RIMS1: variants seen among roughly 807,000 people sequenced by gnomAD.
RIMS1 encodes regulating synaptic membrane exocytosis 1, also known as regulating synaptic membrane exocytosis protein 1.
A neutral mutation model predicts 214.1 loss-of-function variants in RIMS1; 83 were observed. The ratio of observed to expected loss-of-function variants is 0.39; its 90% CI spans 0.32 to 0.47. The LOEUF is 0.47. RIMS1 is among the 20% of genes least tolerant of loss of function. RIMS1 has a pLI of 0.99. For missense variants in RIMS1, 2,050 were observed against 2,161.8 expected, an observed-to-expected ratio of 0.95 and a Z score of 1.03; for synonymous variants, 793 against 786.8, an observed-to-expected ratio of 1.01 and a Z score of -0.13.
rs143947892 is a variant in RIMS1, at chr6:72,089,475, T to A, written c.246-7474T>A. ...GTTTTGTTTTTTGTATTAGACAGGG[T>A]CTCACCCTGTCAACCAGGCTGGAGT... On this transcript the variant is annotated intron_variant, in intron 2 of 33. Transcript: ENST00000521978. Among the ~76,000 whole-genome samples, 258 of 152,110 alleles carry A rather than the reference T, an allele frequency of 1.7e-3. 4 individuals carry two copies. The East Asian group carries it at 0.043, about 25-fold the overall frequency.
chr6:72,301,913 T>A (rs966329027), intron 26 of RIMS1, among the ~76,000 whole-genome samples: 1 of 151,642 alleles, frequency 6.6e-6, no homozygotes. Context: ...TTTTTCCTCG[T>A]GATACCTATA....
chr6:72,050,742 G>T (rs535794376), intron 2 of RIMS1, among the ~76,000 whole-genome samples: 1 of 152,140 alleles, frequency 6.6e-6, no homozygotes, highest in Non-Finnish European at 1.5e-5. Context: ...CCTTTGTGGG[G>T]TGTATATCCA....
At chr6:72,059,177 A>G (rs1176210699) in intron 2 of RIMS1, among the ~76,000 whole-genome samples, 10 of 152,226 alleles carry the variant, frequency 6.6e-5, no homozygotes, top group Non-Finnish European at 1.0e-4. Context: ...TACAAAAGAT[A>G]TGTTTCATGA....
In RIMS1 at chr6:72,165,025, A is replaced by G. The variant is rs561198632; in HGVS notation, c.472-14550A>G. On this transcript the variant is annotated intron_variant, in intron 4 of 33. Coordinates refer to ENST00000521978, the MANE Select transcript of RIMS1 (RefSeq NM_014989.7). ...TCATAGCAATTGATTTTGGCAAACC[A>G]TGGCCAGAAGTACTGCTTCTGCTCC... 1.1e-4 allele frequency among the ~76,000 whole-genome samples: 16 copies of G among 152,328 alleles called. 1 individual carries two copies. In the South Asian group the frequency reaches 2.1e-3, roughly 20 times the overall value.
At chr6:72,011,543 A>G (rs1810604444) in intron 2 of RIMS1, among the ~76,000 whole-genome samples, 1 of 152,308 alleles carries the variant, frequency 6.6e-6, no homozygotes, top group Admixed American at 6.5e-5. Flanking sequence ...TGAACAGGCA[A>G]CCTACAAAAT....
At chr6:72,178,694 C>A (rs2048047005) in intron 4 of RIMS1, among the ~76,000 whole-genome samples, 1 of 152,192 alleles carries the variant, frequency 6.6e-6, no homozygotes, top group Admixed American at 6.5e-5. Flanking sequence ...GAGCTGTTAG[C>A]ACCTATCTTT....
chr6:72,058,551 G>A (rs1826981195), intron 2 of RIMS1, among the ~76,000 whole-genome samples: 3 of 152,200 alleles, frequency 2.0e-5, no homozygotes, highest in Admixed American at 2.0e-4. Flanking sequence ...CCTTTCATAT[G>A]TGTTTGTGCT....
At chr6:72,328,021 G>C (rs2096537717) in intron 28 of RIMS1, among the ~76,000 whole-genome samples, 3 of 151,894 alleles carry the variant, frequency 2.0e-5, no homozygotes, top group South Asian at 4.1e-4. Flanking sequence ...GTTTATTACA[G>C]CAATATTCAC....
chr6:72,250,201 GA>G, intron 12 of RIMS1, 128 bp from the exon 13 acceptor site: 1 of 842,836 alleles, frequency 1.2e-6, no homozygotes, highest in Non-Finnish European at 1.8e-6. Context: ...TGTGTTTTTA[GA>G]AATATCTGTA....
chr6:71,932,219 T>G (rs1260717115), intron 1 of RIMS1, among the ~76,000 whole-genome samples: 1 of 152,044 alleles, frequency 6.6e-6, no homozygotes, highest in Non-Finnish European at 1.5e-5. Context: ...AGACATATAA[T>G]CAACTTAAAT....
At chr6:72,010,594 C>T (rs901359784) in intron 2 of RIMS1, among the ~76,000 whole-genome samples, 1 of 152,066 alleles carries the variant, frequency 6.6e-6, no homozygotes, top group African/African-American at 2.4e-5. Context: ...TTGTTTCAGC[C>T]CAAAATCTCT....
intron 19 of RIMS1, chr6:72,261,209 G>A (rs2077831889): frequency 9.9e-7 from 1 of 1,012,706 alleles, no homozygotes; most frequent in African/African-American, 1.7e-5. Flanking sequence ...AGAATTTATT[G>A]TTGTTTATAT....
chr6:72,185,746 A>G (rs778107404), intron 6 of RIMS1, among the ~76,000 whole-genome samples: 4 of 152,210 alleles, frequency 2.6e-5, no homozygotes, highest in Non-Finnish European at 4.4e-5. Context: ...AGAAACAAAA[A>G]AGCAAAAATG....
At chr6:72,132,141 T>C (rs985665427) in intron 4 of RIMS1, among the ~76,000 whole-genome samples, 5 of 152,180 alleles carry the variant, frequency 3.3e-5, no homozygotes, top group Admixed American at 6.5e-5. Context: ...ACATACATCC[T>C]CCTCTGTTTA....
chr6:72,246,214 G>A (rs1402082207), intron 11 of RIMS1, among the ~76,000 whole-genome samples: 1 of 152,158 alleles, frequency 6.6e-6, no homozygotes. Context: ...AAGCAGCTCA[G>A]TCTCAAGAGC....
At chr6:72,196,906 G>C (rs1182851000) in intron 6 of RIMS1, among the ~76,000 whole-genome samples, 1 of 151,980 alleles carries the variant, frequency 6.6e-6, no homozygotes, top group Non-Finnish European at 1.5e-5. Context: ...TGAAGTGAGA[G>C]GGAGCACTTC....
At position 72,144,391 on chromosome 6, in the gene RIMS1, T is replaced by C. The variant is rs9442745; in HGVS notation, c.472-35184T>C. Among the ~76,000 whole-genome samples the C allele has an allele frequency of 8.1e-3, 1,236 of 152,318 alleles. 12 individuals carry two copies. Among genetic ancestry groups the C allele is most frequent in the African/African-American group, 0.021 (890 of 41,568 alleles). ...CTAAAGAATGTGTCTCCTGTCTTCA[T>C]GAAATATCAGTGATGTAGTATTTTT... On this transcript the variant is annotated intron_variant, in intron 4 of 33. Transcript: ENST00000521978.
intron 19 of RIMS1, chr6:72,262,116 C>T (rs763255553): frequency 2.0e-6 from 2 of 984,618 alleles, no homozygotes; most frequent in African/African-American, 1.7e-5. Context: ...GTGTGCCTGG[C>T]ACTCAGTGTG....
At chr6:72,105,312 T>A (rs930740802) in intron 4 of RIMS1, among the ~76,000 whole-genome samples, 8 of 152,138 alleles carry the variant, frequency 5.3e-5, no homozygotes, top group Non-Finnish European at 1.2e-4. Context: ...ATTATTTTTA[T>A]TTCAAAATTA....
Sources: allele counts gnomAD v4.1 joint callset (sites outside exome capture counted in the v4.1 genomes callset), GRCh38; gene constraint gnomAD v4.1.1; transcripts MANE v1.5; gene names NCBI Gene and HGNC (gene_info 2026-07-23, HGNC 2026-07-21).